The following C2CD3 variants were observed in gnomAD, a reference collection of about 807,000 sequenced individuals.
The protein encoded by C2CD3 is C2 domain-containing protein 3.
In C2CD3, 148 loss-of-function variants were observed where a neutral mutation model predicts 234.0. The observed-to-expected ratio is 0.63, with a 90% CI of 0.55 to 0.72. C2CD3 has a LOEUF of 0.72. Among genes scored for constraint, C2CD3 ranks in the 30% least tolerant of loss-of-function variants. The pLI is 0.00. For missense variants in C2CD3, 2,577 were observed against 2,811.5 expected, an observed-to-expected ratio of 0.92 and a Z score of 1.89; for synonymous variants, 1,000 against 1,035.4, an observed-to-expected ratio of 0.97 and a Z score of 0.66.
intron 24 of C2CD3, among the ~76,000 whole-genome samples, 160 bp from the exon 25 acceptor site, chr11:74,057,704 C>T (rs1258578542): frequency 2.0e-5 from 3 of 152,074 alleles, no homozygotes; most frequent in Non-Finnish European, 4.4e-5. Flanking sequence ...GGTGTAGTGG[C>T]TCAAGCCTGT....
chr11:74,045,100 T>C (rs1335738814), intron 28 of C2CD3, among the ~76,000 whole-genome samples: 1 of 152,218 alleles, frequency 6.6e-6, no homozygotes, highest in Non-Finnish European at 1.5e-5. Context: ...TTTTTGTGTA[T>C]GGTTTGAGGA....
chr11:74,016,824 A>T (rs1951897406), intron 32 of C2CD3: 1 of 152,362 alleles, frequency 6.6e-6, no homozygotes, highest in African/African-American at 2.4e-5. Flanking sequence ...GAAAGTTGTC[A>T]GCAGAACATG....
rs140242195 is a variant in C2CD3, at chr11:74,033,588, C to G, written c.6572G>C (p.Gly2191Ala). The G allele has an allele frequency of 3.5e-4, 535 of 1,536,158 alleles. 3 individuals are homozygous for G. In the East Asian group the frequency reaches 0.013, roughly 36 times the overall value. ...SGAQQSSTFV[G>A]WSSPQTDQNK... ...CTGATCTGTCTGTGGTGAGCTCCAT[C>G]CAACAAACGTGCTGCTCTGTTGAGC... Residue 2191 changes from glycine (G) to alanine (A), a missense_variant, in exon 31 of 33, where the codon GGA (glycine) becomes GCA (alanine). Gly to Ala is a moderately conservative substitution (Grantham distance 60). Transcript: ENST00000334126.
At chr11:74,097,026 G>A (rs1300725416) in intron 16 of C2CD3, among the ~76,000 whole-genome samples, 1 of 151,964 alleles carries the variant, frequency 6.6e-6, no homozygotes, top group South Asian at 2.1e-4. Flanking sequence ...GTGGGTGCCT[G>A]TAATCCCAGC....
rs538452943 is a variant in C2CD3, at chr11:74,127,244, C to T, written c.1218-4109G>A. Among the ~76,000 whole-genome samples, 562 of 152,298 alleles carry T rather than the reference C, an allele frequency of 3.7e-3. 2 individuals are homozygous for T. The highest frequency in any genetic ancestry group is 6.5e-3 in the Non-Finnish European group (439 of 68,022). On this transcript the variant is annotated intron_variant, in intron 7 of 32. Transcript: ENST00000334126. ...CTGGTCTTGAACTCCTGAGCTAAAGCGATTCTCCCAACTCGGCCTGCCAGA... is the reference window on the plus strand; with the variant it reads ...CTGGTCTTGAACTCCTGAGCTAAAGTGATTCTCCCAACTCGGCCTGCCAGA...
chr11:74,146,747 C>CACACACACACACACACAT (rs58129019), intron 3 of C2CD3, among the ~76,000 whole-genome samples: 8,391 of 143,822 alleles, frequency 0.058, 356 homozygotes, highest in Non-Finnish European at 0.074. Context: ...CACACACACA[C>CACACACACACACACACAT]AATTAACATA....
At chr11:74,141,839 T>TA (rs1958058539) in intron 3 of C2CD3, among the ~76,000 whole-genome samples, 7 of 151,066 alleles carry the variant, frequency 4.6e-5, no homozygotes, top group Admixed American at 3.3e-4. Flanking sequence ...TACAAAAAAT[T>TA]TAAAAAAAAA....
intron 22 of C2CD3, among the ~76,000 whole-genome samples, chr11:74,079,863 A>C (rs1380291755): frequency 1.3e-5 from 2 of 152,148 alleles, no homozygotes; most frequent in Non-Finnish European, 2.9e-5. Context: ...AATAGAGTAC[A>C]TAAACTGAAT....
chr11:74,063,608 A>T (rs1322610925), intron 24 of C2CD3, among the ~76,000 whole-genome samples: 1 of 152,226 alleles, frequency 6.6e-6, no homozygotes, highest in African/African-American at 2.4e-5. Flanking sequence ...TCAATAAACT[A>T]GGTATTGATG....
rs572425977 is a variant in C2CD3 at position 74,138,299 on chromosome 11, G to C, written c.955+421C>G. On this transcript the variant is annotated intron_variant, in intron 5 of 32. Transcript: ENST00000334126. ...GGATTAAGATCAGCAGCTGTGTACT[G>C]AACGTTCTCACTAAGACTAAGAGTT... 1.5e-3 allele frequency among the ~76,000 whole-genome samples: 234 copies of C among 152,302 alleles called. 1 individual carries two copies. The highest frequency in any genetic ancestry group is 1.5e-3 in the Non-Finnish European group (99 of 68,024).
chr11:74,109,085 C>G lies in C2CD3; in HGVS notation c.1911G>C (p.Trp637Cys). ...AAATTTGGAAAGTGAGGTTGGAATT[C>G]CACCAGTGCTCTATCATTGGGCCAC... The part of the protein sequence containing the change: ...QFGGPMIEHW[W>C]NSNLTFQIYV... The change falls in exon 12 of 33, where the codon TGG becomes TGC. Residue 637 changes from tryptophan to cysteine, a missense_variant. Transcript: ENST00000334126. 1.9e-6 allele frequency: 3 copies of G among 1,604,280 alleles called. No individual in the cohort carries two copies.
chr11:74,078,196 G>C lies in C2CD3; in HGVS notation c.4522C>G (p.Gln1508Glu). The change falls in exon 23 of 33, where the codon CAG becomes GAG. Residue 1508 changes from glutamine (Q) to glutamate (E), a missense_variant. Physicochemically the swap from Gln to Glu is conservative, Grantham distance 29. Transcript: ENST00000334126. Reference protein sequence around the residue: ...YGNDSVERPHQTDSWIGSAYV... With the variant: ...YGNDSVERPHETDSWIGSAYV... The stretch of plus-strand genomic sequence containing the variant: ...GCTGAGCCAATCCAGCTGTCTGTCT[G>C]ATGGGGTCTCTCCACACTGTCATTG... 6.2e-7 allele frequency: 1 copy of C among 1,614,074 alleles called. No homozygotes were observed. The highest frequency in any genetic ancestry group is 1.1e-5 in the South Asian group (1 of 91,080).
At chr11:74,136,962 G>GT (rs1957884215) in intron 5 of C2CD3, among the ~76,000 whole-genome samples, 2 of 135,656 alleles carry the variant, frequency 1.5e-5, no homozygotes, top group African/African-American at 5.2e-5. Flanking sequence ...AAAAATAAAA[G>GT]TTAAAAAAAA....
chr11:74,152,750 A>G (rs1176374632), intron 3 of C2CD3, among the ~76,000 whole-genome samples: 1 of 152,238 alleles, frequency 6.6e-6, no homozygotes, highest in Admixed American at 6.5e-5. Context: ...AAAATAGGCC[A>G]TATTAACAGA....
At position 74,138,964 on chromosome 11, in the gene C2CD3, T is replaced by C. The variant is rs1204949760; in HGVS notation, c.711A>G (p.Gly237=). The C allele has an allele frequency of 5.6e-6, 9 of 1,604,540 alleles. No individual in the cohort carries two copies. Among genetic ancestry groups the C allele is most frequent in the Non-Finnish European group, 7.7e-6 (9 of 1,174,902 alleles). The change falls in exon 5 of 33, where the codon GGA becomes GGG. Residue 237 remains glycine (G), a synonymous_variant. Transcript: ENST00000334126. ...ANSSRSTTPR[G]KDHVCFAENP... is the part of the protein sequence containing the mutation. ...TCTCTGCAAAGCATACATGGTCTTT[T>C]CCCCTGTTTTTTTAAAAAGGGAGAA... is the stretch of plus-strand genomic sequence containing the variant.
chr11:74,085,779 G>C lies in C2CD3; in HGVS notation c.3749C>G (p.Thr1250Ser). The C allele has an allele frequency of 1.2e-6, 2 of 1,614,170 alleles. No homozygotes were observed. The highest frequency in any genetic ancestry group is 1.7e-6 in the Non-Finnish European group (2 of 1,180,032). Residue 1250 changes from threonine (T) to serine (S), a missense_variant, in exon 21 of 33, where the codon ACC becomes AGC. Transcript: ENST00000334126. ...GCAGAAAGAACAGGCCACAGGGTGGGTTCGGCGCTGTTCTCCCTGGGGCAG... is the reference window on the plus strand; with the variant it reads ...GCAGAAAGAACAGGCCACAGGGTGGCTTCGGCGCTGTTCTCCCTGGGGCAG... ...SFLPQGEQRRTHPVACSFCPE... is the reference protein window; with the variant it reads ...SFLPQGEQRRSHPVACSFCPE...
At chr11:74,154,418 T>A (rs1355518743) in intron 3 of C2CD3, among the ~76,000 whole-genome samples, 1 of 151,890 alleles carries the variant, frequency 6.6e-6, no homozygotes, top group Non-Finnish European at 1.5e-5. Flanking sequence ...CTCTACTTAT[T>A]AAAAAAGAAA....
intron 28 of C2CD3, 62 bp from the exon 29 acceptor site, chr11:74,042,280 GC>G: frequency 6.7e-7 from 1 of 1,499,708 alleles, no homozygotes; most frequent in Non-Finnish European, 9.0e-7. Context: ...TGAGAACACT[GC>G]TAGTGTGACA....
At position 74,164,425 on chromosome 11, in the gene C2CD3, C is replaced by T. The variant is rs117262389; in HGVS notation, c.326-2869G>A. ...CAGAATCCTATAATCCTTCTATTTCCTAAGGCAGTATAATACAATAGAAGT... is the reference window on the plus strand; with the variant it reads ...CAGAATCCTATAATCCTTCTATTTCTTAAGGCAGTATAATACAATAGAAGT... On this transcript the variant is annotated intron_variant, in intron 2 of 32. Transcript: ENST00000334126. 692 of 169,030 alleles carry T rather than the reference C, an allele frequency of 4.1e-3. 3 individuals are homozygous for T. The highest frequency in any genetic ancestry group is 9.9e-3 in the Admixed American group (152 of 15,308). 10.5% of individuals were successfully genotyped at this position (169,030 alleles called of 1,614,324 possible). A position where few individuals can be genotyped will look rare whatever the true frequency, so the allele number is the denominator to read the frequency against.
Sources: allele counts gnomAD v4.1 joint callset (sites outside exome capture counted in the v4.1 genomes callset), GRCh38; gene constraint gnomAD v4.1.1; transcripts MANE v1.5; gene names NCBI Gene and HGNC (gene_info 2026-07-23, HGNC 2026-07-21).